INSC: variants seen among roughly 807,000 people sequenced by gnomAD.
INSC encodes the protein protein inscuteable homolog.
INSC carries 67 observed loss-of-function variants against 58.6 expected under a neutral mutation model. The observed-to-expected ratio is 1.14, with a 90% CI of 0.94 to 1.40. The LOEUF is 1.40. Ranked by LOEUF, INSC falls within the 40% of genes most tolerant of loss-of-function variation. The pLI, the probability that INSC is intolerant of heterozygous loss-of-function variation, is 0.00. For missense variants in INSC, 714 were observed against 692.0 expected (o/e 1.03, Z -0.36); for synonymous variants, 262 against 276.1 (o/e 0.95, Z 0.51).
chr11:15,212,751 G>A lies in INSC; in HGVS notation c.820-8726G>A, dbSNP rs568687283. 1.6e-4 allele frequency among the ~76,000 whole-genome samples: 24 copies of A among 152,236 alleles called. No individual in the cohort carries two copies. The South Asian group carries it at 4.8e-3, about 30-fold the overall frequency. ...TTTAATAGTGTATAGATTCATTAGA[G>A]TTTTCTATGTACACAATTATGTCAT... On this transcript the variant is annotated intron_variant, in intron 7 of 12. Transcript: ENST00000379556.
At chr11:15,161,350 A>C (rs1849012294) in intron 2 of INSC, among the ~76,000 whole-genome samples, 1 of 152,252 alleles carries the variant, frequency 6.6e-6, no homozygotes, top group Admixed American at 6.5e-5. Flanking sequence ...ACACGTCAGA[A>C]AATGATATGG....
chr11:15,207,788 A>AT (rs1229855496), intron 7 of INSC, among the ~76,000 whole-genome samples: 1 of 152,204 alleles, frequency 6.6e-6, no homozygotes, highest in African/African-American at 2.4e-5. Context: ...AAGCAAAAAA[A>AT]CCTCACTTTA....
At chr11:15,218,011 C>A (rs1287845336) in intron 7 of INSC, among the ~76,000 whole-genome samples, 2 of 152,140 alleles carry the variant, frequency 1.3e-5, no homozygotes, top group African/African-American at 4.8e-5. Context: ...ACACTTTGCC[C>A]TAGGAATTCC....
chr11:15,169,620 C>A (rs907803627), intron 2 of INSC, among the ~76,000 whole-genome samples: 1 of 152,132 alleles, frequency 6.6e-6, no homozygotes, highest in African/African-American at 2.4e-5. Context: ...CTGCTCACTG[C>A]AACCTCTGCC....
At chr11:15,244,306 G>C (rs919157674) in intron 12 of INSC, among the ~76,000 whole-genome samples, 4 of 152,170 alleles carry the variant, frequency 2.6e-5, no homozygotes, top group Non-Finnish European at 5.9e-5. Context: ...AGATGTGTGT[G>C]TTAGAGGCAG....
intron 11 of INSC, among the ~76,000 whole-genome samples, chr11:15,240,014 G>T (rs576963130): frequency 2.0e-5 from 3 of 152,142 alleles, no homozygotes; most frequent in African/African-American, 7.2e-5. Flanking sequence ...GTATAATGAG[G>T]GTGTCTTTTT....
Position 15,131,544 on chromosome 11 carries a change from A to G in INSC, c.-46+16541A>G, listed in dbSNP as rs146603913. Among the ~76,000 whole-genome samples the G allele has an allele frequency of 4.8e-3, 724 of 152,238 alleles. 9 individuals are homozygous for G. Among genetic ancestry groups the G allele is most frequent in the African/African-American group, 0.017 (699 of 41,542 alleles). Reference sequence around the variant, plus strand: ...TACTGATCATTTTCCTGCTTGATCTATCACTCAGTGACAGAATTGTGTTGA... The same window carrying G: ...TACTGATCATTTTCCTGCTTGATCTGTCACTCAGTGACAGAATTGTGTTGA... On this transcript the variant is annotated intron_variant, in intron 1 of 12. Transcript: ENST00000379556.
chr11:15,169,140 G>A (rs1484040916), intron 2 of INSC, among the ~76,000 whole-genome samples: 1 of 152,076 alleles, frequency 6.6e-6, no homozygotes, highest in East Asian at 1.9e-4. Context: ...TGTCTGTTAA[G>A]GTGGTTAAGG....
chr11:15,159,938 T>G (rs1848956806), intron 2 of INSC, among the ~76,000 whole-genome samples: 1 of 152,224 alleles, frequency 6.6e-6, no homozygotes, highest in South Asian at 2.1e-4. Flanking sequence ...GCATAGGTTA[T>G]TATTATTCCC....
At chr11:15,219,444 C>T (rs1056814242) in intron 7 of INSC, among the ~76,000 whole-genome samples, 15 of 152,088 alleles carry the variant, frequency 9.9e-5, no homozygotes, top group African/African-American at 3.4e-4. Flanking sequence ...GACACTGTTC[C>T]CAGCACAAGG....
At chr11:15,120,968 T>G (rs1847857867) in intron 1 of INSC, among the ~76,000 whole-genome samples, 1 of 151,724 alleles carries the variant, frequency 6.6e-6, no homozygotes, top group South Asian at 2.1e-4. Flanking sequence ...TGCAAAAATA[T>G]TATTTTTATT....
intron 3 of INSC, among the ~76,000 whole-genome samples, chr11:15,176,380 A>G (rs1449482242): frequency 6.6e-6 from 1 of 152,018 alleles, no homozygotes; most frequent in Non-Finnish European, 1.5e-5. Context: ...TTAATGCCAG[A>G]CTGCTTGGGT....
At chr11:15,138,596 T>C (rs1203440061) in intron 1 of INSC, among the ~76,000 whole-genome samples, 2 of 152,264 alleles carry the variant, frequency 1.3e-5, no homozygotes, top group Non-Finnish European at 2.9e-5. Flanking sequence ...TTTAATTCTC[T>C]CTAGTGGAAA....
At chr11:15,212,165 G>A (rs1006098742) in intron 7 of INSC, among the ~76,000 whole-genome samples, 11 of 152,020 alleles carry the variant, frequency 7.2e-5, no homozygotes, top group Non-Finnish European at 1.3e-4. Context: ...GCAGTGGCAC[G>A]ATTCTAGCTC....
At chr11:15,222,422 T>C (rs1714335) in intron 8 of INSC, among the ~76,000 whole-genome samples, 102,060 of 151,994 alleles carry the variant, frequency 0.67, 34,772 homozygotes, top group East Asian at 0.96. Flanking sequence ...GATTAGCTCT[T>C]GGAGTCACCA....
chr11:15,117,441 G>C (rs889679256), intron 1 of INSC, among the ~76,000 whole-genome samples: 5 of 152,186 alleles, frequency 3.3e-5, no homozygotes, highest in Non-Finnish European at 7.3e-5. Flanking sequence ...GGTCAGTCCA[G>C]CAGAATAAAG....
the INSC span, among the ~76,000 whole-genome samples, chr11:15,266,438 T>G: frequency 1.6e-4 from 24 of 152,120 alleles, no homozygotes; most frequent in African/African-American, 4.8e-4. Flanking sequence ...CTGTGAAGAA[T>G]GAATTACTAA....
intron 5 of INSC, among the ~76,000 whole-genome samples, chr11:15,180,016 G>T (rs1849706752): frequency 6.6e-6 from 1 of 152,180 alleles, no homozygotes; most frequent in Admixed American, 6.5e-5. Context: ...CAGCACTTTG[G>T]GAGGCCAAGG....
At chr11:15,118,541 C>T (rs561216590) in intron 1 of INSC, among the ~76,000 whole-genome samples, 4 of 152,328 alleles carry the variant, frequency 2.6e-5, no homozygotes, top group Admixed American at 2.6e-4. Context: ...TATATCCTCC[C>T]AGAAGCATTT....
Sources: gnomAD v4.1 joint callset for allele counts (sites outside exome capture counted in the v4.1 genomes callset) on GRCh38, gnomAD v4.1.1 for gene constraint, MANE v1.5 for transcripts, NCBI Gene and HGNC (gene_info 2026-07-23, HGNC 2026-07-21) for gene names.